The following MOB3B variants were observed in gnomAD, a reference collection of about 807,000 sequenced individuals.
MOB3B encodes the protein MOB kinase activator-like 2B.
Under a neutral mutation model 18.7 loss-of-function variants are expected in MOB3B, and 7 were observed. That is an observed-to-expected ratio of 0.37 (90% CI 0.21 to 0.70). The LOEUF is 0.70. MOB3B is among the 30% of genes least tolerant of loss of function. The pLI is 0.52. For missense variants in MOB3B, 253 were observed against 281.3 expected (o/e 0.90, Z 0.72); for synonymous variants, 111 against 99.9 (o/e 1.11, Z -0.66).
intron 2 of MOB3B, among the ~76,000 whole-genome samples, chr9:27,375,707 C>T (rs913070551): frequency 1.3e-5 from 2 of 152,122 alleles, no homozygotes; most frequent in African/African-American, 2.4e-5. Flanking sequence ...AGAAGAACCA[C>T]CTTGCAGAGC....
At chr9:27,357,456 G>A (rs1587152334) in intron 3 of MOB3B, among the ~76,000 whole-genome samples, 1 of 151,352 alleles carries the variant, frequency 6.6e-6, no homozygotes, top group Admixed American at 6.6e-5. Flanking sequence ...CCTCCATCAG[G>A]GTCTCACACT....
At chr9:27,485,375 C>T (rs1819717444) in intron 1 of MOB3B, among the ~76,000 whole-genome samples, 1 of 152,142 alleles carries the variant, frequency 6.6e-6, no homozygotes, top group Admixed American at 6.5e-5. Flanking sequence ...AGAACTGAAA[C>T]CCACCTCTGC....
At position 27,500,647 on chromosome 9, in the gene MOB3B, A is replaced by G. The variant is rs1819976499; in HGVS notation, c.-199+28908T>C. On this transcript the variant is annotated intron_variant, in intron 1 of 3. Coordinates refer to ENST00000262244, the MANE Select transcript of MOB3B (RefSeq NM_024761.5). ...TTAGACCTAAAACCATAAAAACCCT[A>G]GAAGAAAACCTAGGCAATACCATTC... 2.0e-5 allele frequency among the ~76,000 whole-genome samples: 3 copies of G among 152,218 alleles called. 1 individual carries two copies. Among genetic ancestry groups the G allele is most frequent in the South Asian group, 4.1e-4 (2 of 4,830 alleles).
intron 1 of MOB3B, among the ~76,000 whole-genome samples, chr9:27,476,343 T>C (rs911763502): frequency 2.6e-5 from 4 of 152,204 alleles, no homozygotes; most frequent in African/African-American, 9.6e-5. Flanking sequence ...GTTTCATGTT[T>C]CCGTCTTTGT....
intron 3 of MOB3B, among the ~76,000 whole-genome samples, chr9:27,350,706 C>T (rs959600420): frequency 3.3e-5 from 5 of 152,160 alleles, no homozygotes; most frequent in African/African-American, 1.2e-4. Flanking sequence ...TCTGCCAAGT[C>T]TCCTAAAATG....
At chr9:27,412,945 G>T (rs1309797874) in intron 2 of MOB3B, among the ~76,000 whole-genome samples, 2 of 152,182 alleles carry the variant, frequency 1.3e-5, no homozygotes, top group African/African-American at 4.8e-5. Flanking sequence ...GGACCAGGCT[G>T]GACCATTCAT....
intron 1 of MOB3B, among the ~76,000 whole-genome samples, chr9:27,471,012 A>G (rs1441651969): frequency 6.6e-6 from 1 of 152,158 alleles, no homozygotes; most frequent in Non-Finnish European, 1.5e-5. Flanking sequence ...CTCACCCTGA[A>G]CCATCTGTCC....
chr9:27,448,770 G>C (rs1230743457), intron 2 of MOB3B, among the ~76,000 whole-genome samples: 3 of 152,152 alleles, frequency 2.0e-5, no homozygotes, highest in Non-Finnish European at 4.4e-5. Flanking sequence ...AAGCCAAACA[G>C]TTTACTAGAT....
intron 2 of MOB3B, among the ~76,000 whole-genome samples, chr9:27,388,286 A>G (rs1323409536): frequency 6.6e-6 from 1 of 152,140 alleles, no homozygotes; most frequent in Non-Finnish European, 1.5e-5. Flanking sequence ...TACTCTGGTG[A>G]TGCAGCAATG....
chr9:27,443,588 C>A (rs938638837), intron 2 of MOB3B, among the ~76,000 whole-genome samples: 1 of 152,128 alleles, frequency 6.6e-6, no homozygotes, highest in Non-Finnish European at 1.5e-5. Context: ...CACTTTTTCC[C>A]TCTTCCTGAA....
chr9:27,378,429 A>T (rs774690977), intron 2 of MOB3B: 1 of 471,514 alleles, frequency 2.1e-6, no homozygotes, highest in Non-Finnish European at 4.4e-6. Context: ...CCCTGATCCC[A>T]TCTAGTTCCC....
At chr9:27,453,063 C>T (rs536578244) in intron 2 of MOB3B, among the ~76,000 whole-genome samples, 48 of 152,162 alleles carry the variant, frequency 3.2e-4, no homozygotes, top group African/African-American at 1.0e-3. Context: ...AAGGAATTTG[C>T]GTTTTGAACA....
chr9:27,477,287 ACACCC>A (rs1313668995), intron 1 of MOB3B, among the ~76,000 whole-genome samples: 1 of 152,170 alleles, frequency 6.6e-6, no homozygotes, highest in Non-Finnish European at 1.5e-5. Flanking sequence ...AAACGGACTC[ACACCC>A]CAGATACCAG....
intron 2 of MOB3B, among the ~76,000 whole-genome samples, chr9:27,453,544 C>G (rs1822825134): frequency 6.6e-6 from 1 of 152,106 alleles, no homozygotes; most frequent in South Asian, 2.1e-4. Context: ...CTATGATGTC[C>G]TGTTTTCCAG....
At chr9:27,480,211 G>A (rs74888576) in intron 1 of MOB3B, among the ~76,000 whole-genome samples, 9 of 151,748 alleles carry the variant, frequency 5.9e-5, no homozygotes, top group African/African-American at 1.2e-4. Context: ...GGAGTGTGGC[G>A]CAATCTCGGC....
intron 2 of MOB3B, among the ~76,000 whole-genome samples, chr9:27,447,542 CA>C (rs1822711693): frequency 6.6e-6 from 1 of 152,156 alleles, no homozygotes; most frequent in African/African-American, 2.4e-5. Flanking sequence ...AATTACATAG[CA>C]CAGGTAATGG....
At chr9:27,358,106 T>C (rs1563849196) in intron 3 of MOB3B, among the ~76,000 whole-genome samples, 1 of 151,678 alleles carries the variant, frequency 6.6e-6, no homozygotes, top group Non-Finnish European at 1.5e-5. Context: ...TTAAAATAGG[T>C]ACATAAAGAG....
chr9:27,378,003 C>T (rs1821516853), intron 2 of MOB3B, among the ~76,000 whole-genome samples: 1 of 152,226 alleles, frequency 6.6e-6, no homozygotes, highest in African/African-American at 2.4e-5. Context: ...AAGAAGCCAA[C>T]ACACATCAAT....
chr9:27,343,831 AG>A (rs1820993167), intron 3 of MOB3B, among the ~76,000 whole-genome samples: 1 of 151,938 alleles, frequency 6.6e-6, no homozygotes, highest in Non-Finnish European at 1.5e-5. Context: ...TCAGTTCAAG[AG>A]AAATAAAGCA....
Sources: allele counts gnomAD v4.1 joint callset (sites outside exome capture counted in the v4.1 genomes callset), GRCh38; gene constraint gnomAD v4.1.1; transcripts MANE v1.5; gene names NCBI Gene and HGNC (gene_info 2026-07-23, HGNC 2026-07-21).